Variants in SDK1 observed in about 807,000 individuals in gnomAD.
The protein encoded by SDK1 is protein sidekick-1.
Under a neutral mutation model 245.5 loss-of-function variants are expected in SDK1, and 157 were observed. The ratio of observed to expected loss-of-function variants is 0.64; its 90% confidence interval spans 0.56 to 0.73. SDK1 has a LOEUF of 0.73. Ranked by LOEUF, SDK1 falls within the 30% of genes least tolerant of loss-of-function variation. SDK1 has a pLI of 0.00. For missense variants in SDK1, 3,583 were observed against 3,002.3 expected (o/e 1.19, Z -4.52); for synonymous variants, 1,647 against 1,278.5 (o/e 1.29, Z -6.15).
intron 4 of SDK1, among the ~76,000 whole-genome samples, chr7:3,772,655 C>T (rs955016631): frequency 9.9e-5 from 15 of 152,116 alleles, no homozygotes; most frequent in African/African-American, 3.6e-4. Context: ...TATGTATTTA[C>T]CTTTACTGAA....
intron 2 of SDK1, among the ~76,000 whole-genome samples, chr7:3,632,410 T>C (rs1454624160): frequency 6.6e-6 from 1 of 152,220 alleles, no homozygotes; most frequent in Admixed American, 6.5e-5. Flanking sequence ...TTCATAACTA[T>C]TAATGAAGAT....
chr7:3,347,141 C>A (rs1780529791), intron 1 of SDK1, among the ~76,000 whole-genome samples: 4 of 151,828 alleles, frequency 2.6e-5, no homozygotes, highest in African/African-American at 7.3e-5. Flanking sequence ...CTGCCTCTTG[C>A]ATCCAGACGT....
At chr7:3,839,870 CTT>C (rs1210489981) in intron 5 of SDK1, among the ~76,000 whole-genome samples, 4 of 152,048 alleles carry the variant, frequency 2.6e-5, no homozygotes, top group African/African-American at 4.8e-5. Flanking sequence ...TAATATCTGT[CTT>C]TTTGCTATAA....
intron 1 of SDK1, among the ~76,000 whole-genome samples, chr7:3,359,438 G>C (rs1258066200): frequency 6.6e-6 from 1 of 152,146 alleles, no homozygotes; most frequent in South Asian, 2.1e-4. Flanking sequence ...TAGGGAAGGT[G>C]GCAAGTTAGG....
At chr7:3,636,365 C>T (rs535092304) in intron 2 of SDK1, among the ~76,000 whole-genome samples, 2 of 152,294 alleles carry the variant, frequency 1.3e-5, no homozygotes, top group South Asian at 4.2e-4. Context: ...TTCCTCCCCG[C>T]TTCCCCTCCC....
intron 27 of SDK1, among the ~76,000 whole-genome samples, chr7:4,130,740 G>A (rs1000580552): frequency 2.6e-5 from 4 of 152,144 alleles, no homozygotes; most frequent in Non-Finnish European, 5.9e-5. Flanking sequence ...CTCTGCAGAT[G>A]TCAAACACAT....
chr7:3,691,476 A>G (rs1464217385), intron 4 of SDK1, among the ~76,000 whole-genome samples: 2 of 152,226 alleles, frequency 1.3e-5, no homozygotes, highest in Non-Finnish European at 2.9e-5. Flanking sequence ...GACTTGGAGC[A>G]TGTTATAAAT....
intron 1 of SDK1, among the ~76,000 whole-genome samples, chr7:3,368,528 C>A (rs1023040980): frequency 6.6e-6 from 1 of 152,210 alleles, no homozygotes. Flanking sequence ...TAATTAAAAT[C>A]GGCACGGAAG....
At chr7:3,307,411 A>G (rs1048671190) in intron 1 of SDK1, among the ~76,000 whole-genome samples, 11 of 152,170 alleles carry the variant, frequency 7.2e-5, no homozygotes, top group Non-Finnish European at 1.3e-4. Context: ...TTAGATACCT[A>G]CCTGCCAGTT....
intron 23 of SDK1, among the ~76,000 whole-genome samples, chr7:4,112,113 C>A (rs1399349139): frequency 6.6e-6 from 1 of 152,168 alleles, no homozygotes; most frequent in African/African-American, 2.4e-5. Flanking sequence ...GTGGTCAGGG[C>A]ACAGCTTGCT....
intron 5 of SDK1, among the ~76,000 whole-genome samples, chr7:3,908,071 C>T (rs1483439254): frequency 6.6e-6 from 1 of 152,132 alleles, no homozygotes; most frequent in Admixed American, 6.6e-5. Flanking sequence ...GCTTAGCTTT[C>T]ATTATTTAAC....
chr7:4,199,136 A>G (rs1006200615), intron 35 of SDK1, among the ~76,000 whole-genome samples: 1 of 152,182 alleles, frequency 6.6e-6, no homozygotes, highest in African/African-American at 2.4e-5. Flanking sequence ...AAAGGAGAAT[A>G]CAGTCTTTCT....
intron 1 of SDK1, among the ~76,000 whole-genome samples, chr7:3,348,671 G>A (rs1384176015): frequency 3.9e-5 from 6 of 152,088 alleles, no homozygotes; most frequent in African/African-American, 1.2e-4. Flanking sequence ...CATGTAACCT[G>A]TGTATGTACC....
intron 1 of SDK1, among the ~76,000 whole-genome samples, chr7:3,486,475 T>A (rs1267420015): frequency 1.3e-5 from 2 of 152,092 alleles, no homozygotes; most frequent in East Asian, 3.8e-4. Context: ...CCCCCCTAAT[T>A]TTGTAAGTTA....
rs920903929 is a variant in SDK1, at chr7:3,574,338, G to A, written c.299-44742G>A. On this transcript the variant is annotated intron_variant, in intron 1 of 44. Coordinates refer to ENST00000404826, the MANE Select transcript of SDK1 (RefSeq NM_152744.4). ...TCACCATGTTGGCCAGGCTGGTTTCGAACTCCTGACCTCATGATTCGCCCG... is the reference window on the plus strand; with the variant it reads ...TCACCATGTTGGCCAGGCTGGTTTCAAACTCCTGACCTCATGATTCGCCCG... Among the ~76,000 whole-genome samples the A allele has an allele frequency of 1.1e-4, 16 of 151,906 alleles. No homozygotes were observed. In the South Asian group the frequency reaches 1.7e-3, roughly 16 times the overall value.
chr7:3,424,565 G>A (rs913224656), intron 1 of SDK1, among the ~76,000 whole-genome samples: 1 of 152,128 alleles, frequency 6.6e-6, no homozygotes, highest in Non-Finnish European at 1.5e-5. Flanking sequence ...TCTGCTGATA[G>A]TCTGGTTGAT....
intron 42 of SDK1, among the ~76,000 whole-genome samples, chr7:4,238,407 A>G (rs536370003): frequency 6.6e-6 from 1 of 152,018 alleles, no homozygotes; most frequent in African/African-American, 2.4e-5. Context: ...AGTATTAGAA[A>G]GTGAGGTGTG....
intron 22 of SDK1, among the ~76,000 whole-genome samples, chr7:4,085,146 T>C (rs543869078): frequency 8.3e-4 from 126 of 152,338 alleles, no homozygotes; most frequent in Non-Finnish European, 1.3e-3. Flanking sequence ...TTCTTTATCC[T>C]CCTATTGTAT....
At chr7:3,778,155 T>C (rs1005497903) in intron 4 of SDK1, among the ~76,000 whole-genome samples, 1 of 152,196 alleles carries the variant, frequency 6.6e-6, no homozygotes, top group South Asian at 2.1e-4. Flanking sequence ...CAACCAGTAG[T>C]GTATAAAATG....
Sources: allele counts gnomAD v4.1 joint callset (sites outside exome capture counted in the v4.1 genomes callset), GRCh38; gene constraint gnomAD v4.1.1; transcripts MANE v1.5; gene names NCBI Gene and HGNC (gene_info 2026-07-23, HGNC 2026-07-21).